Variants in RASA1 observed in about 807,000 individuals in gnomAD.
RASA1 encodes the protein ras GTPase-activating protein 1.
In RASA1, 25 loss-of-function variants were observed where a neutral mutation model predicts 132.2. The ratio of observed to expected loss-of-function variants is 0.19; its 90% CI spans 0.14 to 0.26. The LOEUF is 0.26. Among genes scored for constraint, RASA1 ranks in the 10% least tolerant of loss-of-function variants. RASA1 has a pLI of 1.00. For missense variants in RASA1, 964 were observed against 1,299.2 expected (o/e 0.74, Z 3.97); for synonymous variants, 477 against 449.9 (o/e 1.06, Z -0.76).
chr5:87,268,711 C>G lies in RASA1; in HGVS notation c.260C>G (p.Thr87Arg), dbSNP rs553059467. The G allele has an allele frequency of 6.2e-6, 10 of 1,612,258 alleles. No individual in the cohort carries two copies. In the South Asian group the frequency reaches 1.1e-4, roughly 18 times the overall value. Residue 87 changes from threonine to arginine, a missense_variant, in exon 1 of 25, where the codon ACA becomes AGA. Thr to Arg is a moderately conservative substitution (Grantham distance 71). Coordinates refer to ENST00000274376, the MANE Select transcript of RASA1 (RefSeq NM_002890.3). ...GGGGCACTGGGGGGAGCTGGACTGACAGGGGGAGGTACTGCTGCTGGCGTA... is the reference window on the plus strand; with the variant it reads ...GGGGCACTGGGGGGAGCTGGACTGAGAGGGGGAGGTACTGCTGCTGGCGTA... ...VAGALGGAGLTGGGTAAGVAG... is the reference protein window; with the variant it reads ...VAGALGGAGLRGGGTAAGVAG...
chr5:87,351,268 A>G lies in RASA1; in HGVS notation c.1254-1889A>G, dbSNP rs543350531. ...ATCTACTTTGTGAAATATACTGTACAAATTCTGTGTAAATACATTAAAGAA... is the reference window on the plus strand; with the variant it reads ...ATCTACTTTGTGAAATATACTGTACGAATTCTGTGTAAATACATTAAAGAA... On this transcript the variant is annotated intron_variant, in intron 8 of 24. Transcript: ENST00000274376. Among the ~76,000 whole-genome samples the G allele has an allele frequency of 3.3e-5, 5 of 151,870 alleles. 1 individual carries two copies. In the South Asian group the frequency reaches 1.0e-3, roughly 31 times the overall value.
intron 1 of RASA1, among the ~76,000 whole-genome samples, chr5:87,321,263 A>G (rs568690835): frequency 1.3e-5 from 2 of 152,322 alleles, no homozygotes; most frequent in African/African-American, 2.4e-5. Flanking sequence ...TTACACCACA[A>G]CAATCAACAC....
At position 87,371,943 on chromosome 5, in the gene RASA1, ATGTTAT is replaced by A. The variant is rs150449762; in HGVS notation, c.1699-167_1699-162del. Among the ~76,000 whole-genome samples the A allele has an allele frequency of 0.03, 4,484 of 151,908 alleles. 92 individuals carry two copies. The highest frequency in any genetic ancestry group is 0.1 in the East Asian group (523 of 5,166). On this transcript the variant is annotated intron_variant, in intron 12 of 24. Coordinates refer to ENST00000274376, the MANE Select transcript of RASA1 (RefSeq NM_002890.3). ...TGGTTGTTTTATTATTGTTATTGTT[ATGTTAT>A]TGTTATTTTATTATTGGTTATTGTT...
intron 1 of RASA1, among the ~76,000 whole-genome samples, chr5:87,292,770 T>C (rs930700181): frequency 1.3e-5 from 2 of 152,232 alleles, no homozygotes; most frequent in African/African-American, 2.4e-5. Flanking sequence ...TTGAGTCTTA[T>C]TCATGAACTT....
intron 1 of RASA1, among the ~76,000 whole-genome samples, chr5:87,328,816 T>C (rs1334361292): frequency 2.6e-5 from 4 of 152,114 alleles, no homozygotes; most frequent in Admixed American, 6.5e-5. Flanking sequence ...CAAGGACTGG[T>C]GTTTAAAGGT....
chr5:87,333,817 T>A (rs1757765511), intron 4 of RASA1, among the ~76,000 whole-genome samples: 1 of 152,178 alleles, frequency 6.6e-6, no homozygotes, highest in African/African-American at 2.4e-5. Flanking sequence ...GCTATTTAAT[T>A]TTCTAGTGGA....
intron 11 of RASA1, among the ~76,000 whole-genome samples, chr5:87,365,193 CCT>C (rs1561312794): frequency 6.6e-6 from 1 of 151,776 alleles, no homozygotes; most frequent in African/African-American, 2.4e-5. Context: ...ATAGGTGTCC[CCT>C]GAGATACTAG....
At chr5:87,370,778 G>A (rs1760877868) in intron 12 of RASA1, among the ~76,000 whole-genome samples, 1 of 152,130 alleles carries the variant, frequency 6.6e-6, no homozygotes. Flanking sequence ...AGGTGGTTAA[G>A]AAGTGAAAGT....
intron 4 of RASA1, among the ~76,000 whole-genome samples, chr5:87,336,737 C>T (rs1437435745): frequency 3.9e-5 from 6 of 152,002 alleles, no homozygotes; most frequent in Non-Finnish European, 8.8e-5. Flanking sequence ...TCCTTTTACT[C>T]ATAATGATTT....
chr5:87,308,693 T>G (rs1755734739), intron 1 of RASA1, among the ~76,000 whole-genome samples: 1 of 152,212 alleles, frequency 6.6e-6, no homozygotes. Flanking sequence ...GTTAGCATAA[T>G]GACATTTTGG....
At chr5:87,360,914 A>G (rs1407888536) in intron 9 of RASA1, among the ~76,000 whole-genome samples, 1 of 152,170 alleles carries the variant, frequency 6.6e-6, no homozygotes, top group East Asian at 1.9e-4. Context: ...GCAGAAAATA[A>G]AGAGTTCTGA....
intron 1 of RASA1, among the ~76,000 whole-genome samples, chr5:87,295,374 G>A (rs1423235773): frequency 1.3e-5 from 2 of 151,404 alleles, no homozygotes; most frequent in African/African-American, 2.4e-5. Context: ...TATTTCTTAC[G>A]ATTTTCTATT....
intron 7 of RASA1, among the ~76,000 whole-genome samples, chr5:87,348,436 G>A (rs1054223369): frequency 3.3e-5 from 5 of 151,892 alleles, no homozygotes; most frequent in Non-Finnish European, 7.4e-5. Context: ...GCCAATCAAA[G>A]ATATCAGAAA....
rs1008321958 is a variant in RASA1 at position 87,268,373 on chromosome 5, G to A, written c.-79G>A. On this transcript the variant is annotated 5_prime_UTR_variant, in exon 1 of 25. Transcript: ENST00000274376. ...GCTGAAGGGGAGACGCGTCTGGGTG[G>A]GGCTGCTCGGAGCCCGGGCCTGGTG... 1.4e-6 allele frequency: 2 copies of A among 1,447,404 alleles called. No homozygotes were observed. Among genetic ancestry groups the A allele is most frequent in the Non-Finnish European group, 1.8e-6 (2 of 1,095,618 alleles). The allele number at this position is 1,447,404 out of a possible 1,614,324, so 89.7% of individuals were successfully genotyped here.
intron 1 of RASA1, among the ~76,000 whole-genome samples, chr5:87,287,756 G>GTATACGCCATATATA (rs1754709759): frequency 8.2e-6 from 1 of 122,498 alleles, no homozygotes; most frequent in African/African-American, 3.2e-5. Context: ...ATACCATTAT[G>GTATACGCCATATATA]TACACGCCAT....
Position 87,376,424 on chromosome 5 carries a change from G to A in RASA1, c.2043G>A (p.Gln681=). The A allele has an allele frequency of 1.9e-6, 3 of 1,613,960 alleles. No homozygotes were observed. Among genetic ancestry groups the A allele is most frequent in the Non-Finnish European group, 2.5e-6 (3 of 1,179,958 alleles). The change falls in exon 16 of 25, where the codon CAG becomes CAA. Residue 681 remains glutamine, a synonymous_variant. Coordinates refer to ENST00000274376, the MANE Select transcript of RASA1 (RefSeq NM_002890.3). The part of the protein sequence containing the change: ...LFMRCQLSRL[Q]KGHATDEWFL... The stretch of plus-strand genomic sequence containing the variant: ...TGCGCTGCCAGTTGAGCCGATTACA[G>A]AAAGGGCATGCCACAGATGAATGGT...
At chr5:87,349,158 C>T (rs1759077638) in intron 7 of RASA1, 56 bp from the exon 8 acceptor site, 25 of 1,579,324 alleles carry the variant, frequency 1.6e-5, no homozygotes, top group Non-Finnish European at 2.2e-5. Context: ...TACTACTTAA[C>T]ATCTTTTCTT....
intron 6 of RASA1, among the ~76,000 whole-genome samples, chr5:87,342,568 A>G (rs1758552309): frequency 6.6e-6 from 1 of 152,188 alleles, no homozygotes; most frequent in Non-Finnish European, 1.5e-5. Flanking sequence ...AATAATCTTG[A>G]TCTTTCTTAT....
At position 87,268,420 on chromosome 5, in the gene RASA1, G is replaced by C; in HGVS notation, c.-32G>C. ...GGTGGCCCCTGGGGCTCCCGGGCGG[G>C]CAGGGTAGGGCAGAGTAGAGCGGGC... On this transcript the variant is annotated 5_prime_UTR_variant, in exon 1 of 25. Coordinates refer to ENST00000274376, the MANE Select transcript of RASA1 (RefSeq NM_002890.3). 1 of 1,500,008 alleles carries C rather than the reference G, an allele frequency of 6.7e-7. No individual in the cohort carries two copies. Among genetic ancestry groups the C allele is most frequent in the Non-Finnish European group, 8.9e-7 (1 of 1,120,312 alleles). The allele number at this position is 1,500,008 out of a possible 1,614,324, so 92.9% of individuals were successfully genotyped here.
Sources: allele counts gnomAD v4.1 joint callset (sites outside exome capture counted in the v4.1 genomes callset), GRCh38; gene constraint gnomAD v4.1.1; transcripts MANE v1.5; gene names NCBI Gene and HGNC (gene_info 2026-07-23, HGNC 2026-07-21).